The following CCDC92 variants were observed in gnomAD, a reference collection of about 807,000 sequenced individuals.
CCDC92 encodes coiled-coil domain-containing protein 92.
In CCDC92, 12 loss-of-function variants were observed where a neutral mutation model predicts 24.9. That is an observed-to-expected ratio of 0.48 (90% CI 0.31 to 0.78). The LOEUF (loss-of-function observed/expected upper bound fraction) is 0.78. Among genes scored for constraint, CCDC92 ranks in the 30% least tolerant of loss-of-function variants. The pLI is 0.05. For synonymous variants in CCDC92, 193 were observed against 196.3 expected, an observed-to-expected ratio of 0.98 and a Z score of 0.14; for missense variants, 399 against 439.4, an observed-to-expected ratio of 0.91 and a Z score of 0.82.
At chr12:123,938,791 T>G (rs530256497) in intron 4 of CCDC92, among the ~76,000 whole-genome samples, 3 of 152,210 alleles carry the variant, frequency 2.0e-5, no homozygotes, top group Non-Finnish European at 4.4e-5. Context: ...ATAGCTGCTC[T>G]GCTTCCCACA....
chr12:123,952,896 T>G (rs1300014698), intron 1 of CCDC92, among the ~76,000 whole-genome samples: 1 of 152,228 alleles, frequency 6.6e-6, no homozygotes, highest in Non-Finnish European at 1.5e-5. Context: ...CAGGTGAGGT[T>G]GAGAGCTTAG....
chr12:123,944,137 C>A, intron 2 of CCDC92, 135 bp downstream of exon 2: 1 of 676,660 alleles, frequency 1.5e-6, no homozygotes, highest in East Asian at 2.8e-5. Flanking sequence ...GCCACAGATC[C>A]TTCTTGGGAA....
At chr12:123,965,218 G>C (rs1956363717) in intron 1 of CCDC92, among the ~76,000 whole-genome samples, 1 of 152,156 alleles carries the variant, frequency 6.6e-6, no homozygotes, top group African/African-American at 2.4e-5. Flanking sequence ...GGAATGACGT[G>C]TGTGCTTGTA....
At chr12:123,960,973 A>C (rs1196257811) in intron 1 of CCDC92, 1 of 152,220 alleles carries the variant, frequency 6.6e-6, no homozygotes, top group African/African-American at 2.4e-5. Flanking sequence ...ATGCATCTGG[A>C]GGTGAAAGAT....
In CCDC92 at chr12:123,937,130, C is replaced by T; in HGVS notation, c.924G>A (p.Lys308=). 1 of 1,613,474 alleles carries T rather than the reference C, an allele frequency of 6.2e-7. No individual in the cohort carries two copies. Among genetic ancestry groups the T allele is most frequent in the Non-Finnish European group, 8.5e-7 (1 of 1,180,016 alleles). The change falls in exon 5 of 5, where the codon AAG becomes AAA. Residue 308 remains lysine (K), a synonymous_variant. Coordinates refer to ENST00000238156, the MANE Select transcript of CCDC92 (RefSeq NM_025140.3). This position sits in a 1 kb window ranked among gnomAD's most constrained non-coding sequence, Gnocchi z 8.4. ...CGTTCACCTGGTCGACCGCCAGGGT[C>T]TTCACCTCGGGCTGGGCCTGCGGCG... ...ATPPQAQPEV[K]TLAVDQVNGG...
chr12:123,950,079 G>A (rs534573806), intron 1 of CCDC92, among the ~76,000 whole-genome samples: 2 of 152,324 alleles, frequency 1.3e-5, no homozygotes, highest in African/African-American at 4.8e-5. Flanking sequence ...ACTATCCCAT[G>A]AAAAGAGAGA....
Position 123,937,163 on chromosome 12 carries a change from G to A in CCDC92, c.891C>T (p.His297=), listed in dbSNP as rs759171991. The A allele has an allele frequency of 1.6e-5, 25 of 1,610,724 alleles. No individual in the cohort carries two copies. The highest frequency in any genetic ancestry group is 1.6e-4 in the Middle Eastern group (1 of 6,076). The change falls in exon 5 of 5, where the codon CAC becomes CAT. Residue 297 remains histidine, a synonymous_variant. Coordinates refer to ENST00000238156, the MANE Select transcript of CCDC92 (RefSeq NM_025140.3). The surrounding 1 kb of genome is among the most constrained non-coding windows in gnomAD (Gnocchi z 8.4). ...AHVGVAHRIH[H]ATPPQAQPEV... ...CGGGCTGGGCCTGCGGCGGGGTGGC[G>A]TGGTGGATCCGATGTGCCACCCCGA...
At chr12:123,938,368 C>G (rs977524842) in intron 4 of CCDC92, among the ~76,000 whole-genome samples, 56 of 152,268 alleles carry the variant, frequency 3.7e-4, no homozygotes, top group Admixed American at 2.9e-3. Flanking sequence ...CACACACAGA[C>G]TCTTTCCCAC....
chr12:123,947,719 T>C (rs1955914064), intron 1 of CCDC92, among the ~76,000 whole-genome samples: 1 of 152,114 alleles, frequency 6.6e-6, no homozygotes, highest in Non-Finnish European at 1.5e-5. Context: ...AACAGGCCAC[T>C]GGGCTCTACC....
chr12:123,947,171 C>G (rs576568488), intron 1 of CCDC92, among the ~76,000 whole-genome samples: 1 of 152,228 alleles, frequency 6.6e-6, no homozygotes, highest in East Asian at 1.9e-4. Context: ...CACTCAATTT[C>G]TCACCAGGCC....
At chr12:123,970,354 A>G (rs558743542) in intron 1 of CCDC92, 1 of 152,342 alleles carries the variant, frequency 6.6e-6, no homozygotes, top group Admixed American at 6.5e-5. Context: ...CCTTCTTTCC[A>G]CCGCTAGTTC....
At position 123,937,970 on chromosome 12, in the gene CCDC92, C is replaced by T; in HGVS notation, c.224-140G>A. 13 of 836,278 alleles carry T rather than the reference C, an allele frequency of 1.6e-5. 1 individual carries two copies. Among genetic ancestry groups the T allele is most frequent in the Non-Finnish European group, 2.4e-5 (13 of 543,570 alleles). The allele number at this position is 836,278 out of a possible 1,614,324, so 51.8% of individuals were successfully genotyped here. ...CATGCAGAAGGCAGGGCTGTGGGGGCTCTGGAAAGACCCCTCCCCTCCCCG... is the reference window on the plus strand; with the variant it reads ...CATGCAGAAGGCAGGGCTGTGGGGGTTCTGGAAAGACCCCTCCCCTCCCCG... On this transcript the variant is annotated intron_variant, in intron 4 of 4. Coordinates refer to ENST00000238156, the MANE Select transcript of CCDC92 (RefSeq NM_025140.3). This position sits in a 1 kb window ranked among gnomAD's most constrained non-coding sequence, Gnocchi z 8.4.
intron 1 of CCDC92, among the ~76,000 whole-genome samples, chr12:123,963,080 G>C (rs927270588): frequency 2.0e-5 from 3 of 152,128 alleles, no homozygotes; most frequent in African/African-American, 7.2e-5. Flanking sequence ...GTGTGGGTGG[G>C]TGCCACCAGC....
intron 1 of CCDC92, among the ~76,000 whole-genome samples, chr12:123,947,070 G>A (rs910329770): frequency 6.6e-6 from 1 of 152,182 alleles, no homozygotes; most frequent in Non-Finnish European, 1.5e-5. Context: ...TGCCAGCCCT[G>A]CCGGCCCCGG....
At chr12:123,944,173 C>T in intron 2 of CCDC92, 99 bp downstream of exon 2, 1 of 791,886 alleles carries the variant, frequency 1.3e-6, no homozygotes, top group Non-Finnish European at 2.3e-6. Flanking sequence ...CTCATGGGGC[C>T]AGGGGGTGGT....
chr12:123,972,804 GCGC>G lies in CCDC92; in HGVS notation c.-338_-336del, dbSNP rs992532535. 3.4e-3 allele frequency: 494 copies of G among 146,316 alleles called. 2 individuals are homozygous for G. Among genetic ancestry groups the G allele is most frequent in the Middle Eastern group, 0.014 (4 of 286 alleles). 9.1% of individuals were successfully genotyped at this position (146,316 alleles called of 1,614,324 possible). On this transcript the variant is annotated 5_prime_UTR_variant, in exon 1 of 5. Transcript: ENST00000238156. ...TGGCCGCGCTGACCCGGCGGGCTAG[GCGC>G]CGGCGCGGCGGCGGGCCTGTGTCTG... is the stretch of plus-strand genomic sequence containing the variant.
chr12:123,954,099 T>TA (rs533167191), intron 1 of CCDC92, among the ~76,000 whole-genome samples: 88 of 152,358 alleles, frequency 5.8e-4, no homozygotes, highest in Admixed American at 9.8e-4. Flanking sequence ...AGTTTTCTCT[T>TA]AAAAAAGATA....
chr12:123,968,018 G>A (rs1224543246), intron 1 of CCDC92: 1 of 152,228 alleles, frequency 6.6e-6, no homozygotes, highest in Non-Finnish European at 1.5e-5. Flanking sequence ...TGTAGAAGCA[G>A]AGTATTATGT....
At chr12:123,960,937 CCAGG>C (rs1312168472) in intron 1 of CCDC92, 4 of 152,148 alleles carry the variant, frequency 2.6e-5, no homozygotes, top group Admixed American at 2.6e-4. Context: ...TTACAATAGG[CCAGG>C]CAATCGATTC....
Sources: gnomAD v4.1 joint callset for allele counts (sites outside exome capture counted in the v4.1 genomes callset) on GRCh38, gnomAD v4.1.1 for gene constraint, Gnocchi (gnomAD v3.1) non-coding constraint, MANE v1.5 for transcripts, NCBI Gene and HGNC (gene_info 2026-07-23, HGNC 2026-07-21) for gene names.